NIPBL: variants seen among roughly 807,000 people sequenced by gnomAD.
The protein encoded by NIPBL is NIPBL cohesin loading factor, also known as nipped-B-like protein.
A neutral mutation model predicts 321.8 loss-of-function variants in NIPBL; 19 were observed. That is an observed-to-expected ratio of 0.06 (90% CI 0.04 to 0.09). The LOEUF (loss-of-function observed/expected upper bound fraction) is 0.09. Ranked by LOEUF, NIPBL falls within the 10% of genes least tolerant of loss-of-function variation. NIPBL has a pLI of 1.00. For synonymous variants in NIPBL, 1,106 were observed against 1,114.1 expected (o/e 0.99, Z 0.14); for missense variants, 2,210 against 3,327.0 (o/e 0.66, Z 8.26).
intron 5 of NIPBL, 86 bp downstream of exon 5, chr5:36,961,669 G>A (rs953563856): frequency 2.2e-6 from 2 of 913,410 alleles, no homozygotes; most frequent in Non-Finnish European, 1.8e-6. Flanking sequence ...TTAGGTAATG[G>A]TGGATTATTT....
Position 37,000,442 on chromosome 5 carries a change from C to G in NIPBL, c.3374C>G (p.Ser1125Cys). Residue 1125 changes from serine (S) to cysteine (C), a missense_variant, in exon 12 of 47, where the codon TCT becomes TGT. Ser to Cys is a moderately radical substitution (Grantham distance 112). Coordinates refer to ENST00000282516, the MANE Select transcript of NIPBL (RefSeq NM_133433.4). ...WEYEERDRRS[S>C]GDHRRSGHSH... The stretch of plus-strand genomic sequence containing the variant: ...TATGAAGAGCGTGACAGAAGAAGCT[C>G]TGGGGATCATAGGAGAAGTGGCCAC... 6.2e-7 allele frequency: 1 copy of G among 1,613,316 alleles called. No homozygotes were observed.
intron 1 of NIPBL, among the ~76,000 whole-genome samples, chr5:36,926,082 A>G (rs2149565393): frequency 6.6e-6 from 1 of 152,342 alleles, no homozygotes; most frequent in South Asian, 2.1e-4. Context: ...ATAAACATAT[A>G]TCCTGACTTA....
chr5:36,979,417 A>G (rs1743889117), intron 9 of NIPBL, among the ~76,000 whole-genome samples: 1 of 151,860 alleles, frequency 6.6e-6, no homozygotes, highest in Admixed American at 6.6e-5. Context: ...TAGACATGCT[A>G]CTGATTTTGG....
intron 8 of NIPBL, among the ~76,000 whole-genome samples, chr5:36,972,618 T>A (rs1274067021): frequency 6.6e-6 from 1 of 152,176 alleles, no homozygotes; most frequent in Non-Finnish European, 1.5e-5. Flanking sequence ...AAGTTCTAAT[T>A]CTTCATTTCC....
At chr5:36,885,338 C>A in intron 1 of NIPBL, 1 of 481,084 alleles carries the variant, frequency 2.1e-6, no homozygotes, top group Non-Finnish European at 4.1e-6. Context: ...CTCTGGTTCG[C>A]GGATCTCCGT....
intron 1 of NIPBL, among the ~76,000 whole-genome samples, chr5:36,896,179 A>G (rs1746721000): frequency 6.6e-6 from 1 of 152,222 alleles, no homozygotes; most frequent in Admixed American, 6.5e-5. Context: ...CCATTTGTTG[A>G]AAAGACTATT....
intron 32 of NIPBL, 46 bp downstream of exon 32, chr5:37,027,458 G>C (rs1750416278): frequency 1.5e-6 from 2 of 1,301,442 alleles, no homozygotes; most frequent in East Asian, 2.3e-5. Context: ...TAATAGGTTA[G>C]TTTTTTGTTG....
At chr5:36,972,075 T>G in intron 8 of NIPBL, 34 bp downstream of exon 8, 1 of 1,407,680 alleles carries the variant, frequency 7.1e-7, no homozygotes, top group South Asian at 1.2e-5. Flanking sequence ...TTCTGTATAT[T>G]TTATATTTGA....
intron 1 of NIPBL, among the ~76,000 whole-genome samples, chr5:36,878,703 C>A (rs1745280273): frequency 6.6e-6 from 1 of 152,128 alleles, no homozygotes; most frequent in African/African-American, 2.4e-5. Flanking sequence ...TTCACATTTC[C>A]TGCAAACGTA....
chr5:37,053,194 C>G (rs1207214768), intron 42 of NIPBL, among the ~76,000 whole-genome samples: 3 of 152,106 alleles, frequency 2.0e-5, no homozygotes, highest in Admixed American at 1.3e-4. Context: ...ATGTTGTAGC[C>G]TACCTAGGCT....
intron 32 of NIPBL, among the ~76,000 whole-genome samples, chr5:37,033,680 G>GTATA (rs1751330276): frequency 1.4e-5 from 1 of 73,898 alleles, no homozygotes; most frequent in Non-Finnish European, 2.2e-5. Context: ...GTGTGTATAT[G>GTATA]TACATACACA....
At chr5:37,019,138 T>C (rs1749336052) in intron 24 of NIPBL, among the ~76,000 whole-genome samples, 173 bp from the exon 25 acceptor site, 1 of 152,178 alleles carries the variant, frequency 6.6e-6, no homozygotes, top group African/African-American at 2.4e-5. Flanking sequence ...ACTTCAGCTA[T>C]CAATATATAA....
At chr5:36,910,646 A>G (rs1338476282) in intron 1 of NIPBL, among the ~76,000 whole-genome samples, 1 of 152,148 alleles carries the variant, frequency 6.6e-6, no homozygotes, top group African/African-American at 2.4e-5. Flanking sequence ...TGCTGTAGCA[A>G]TTTGTACCTC....
rs1284101914 is a variant in NIPBL, at chr5:36,985,659, A to G, written c.2479A>G (p.Arg827Gly). Reference protein sequence around the residue: ...DHDNKQKSDDRGESERHRGDQ... With the variant: ...DHDNKQKSDDGGESERHRGDQ... ...TGATAATAAACAAAAATCAGATGAC[A>G]GGGGTGAATCAGAGCGACATCGAGG... is the stretch of plus-strand genomic sequence containing the variant. The change falls in exon 10 of 47, where the codon AGG becomes GGG. Residue 827 changes from arginine to glycine, a missense_variant. Around this residue, in one of 14 missense-constraint regions of NIPBL, gnomAD observed 588 missense variants for 564.1 expected, o/e 1.04. Coordinates refer to ENST00000282516, the MANE Select transcript of NIPBL (RefSeq NM_133433.4). 11 of 1,613,856 alleles carry G rather than the reference A, an allele frequency of 6.8e-6. No individual in the cohort carries two copies. The highest frequency in any genetic ancestry group is 1.3e-5 in the African/African-American group (1 of 74,916).
Position 36,976,197 on chromosome 5 carries a change from A to G in NIPBL, c.1290A>G (p.Pro430=), listed in dbSNP as rs776187516. Residue 430 remains proline, a synonymous_variant, in exon 9 of 47, where the codon CCA becomes CCG. Transcript: ENST00000282516. Reference sequence around the variant, plus strand: ...AGCAAGAACAAACAGCATTCCTTCCAGCAAATCAAGTGCCTGTTTTACAAC... The same window carrying G: ...AGCAAGAACAAACAGCATTCCTTCCGGCAAATCAAGTGCCTGTTTTACAAC... ...LSQQEQTAFL[P]ANQVPVLQQN... 1.9e-6 allele frequency: 3 copies of G among 1,612,924 alleles called. No homozygotes were observed. Among genetic ancestry groups the G allele is most frequent in the South Asian group, 1.1e-5 (1 of 90,904 alleles).
In NIPBL at chr5:37,026,310, T is replaced by G; in HGVS notation, c.5791T>G (p.Leu1931Val). 1 of 1,606,820 alleles carries G rather than the reference T, an allele frequency of 6.2e-7. No individual in the cohort carries two copies. The highest frequency in any genetic ancestry group is 2.2e-5 in the East Asian group (1 of 44,800). Residue 1931 changes from leucine (L) to valine (V), a missense_variant, in exon 31 of 47, where the codon TTA becomes GTA. Transcript: ENST00000282516. ...NDKEAMTRKILNITDVVAACR... is the reference protein window; with the variant it reads ...NDKEAMTRKIVNITDVVAACR... ...CAAAGAAGCAATGACAAGGAAAATT[T>G]TAAACATTACCGATGTGGTAAGAAG...
At chr5:37,030,312 A>G (rs1229164872) in intron 32 of NIPBL, among the ~76,000 whole-genome samples, 1 of 152,060 alleles carries the variant, frequency 6.6e-6, no homozygotes, top group Non-Finnish European at 1.5e-5. Context: ...TTTACCAATG[A>G]TATTGTGACT....
chr5:37,033,711 T>C (rs1045858308), intron 32 of NIPBL, among the ~76,000 whole-genome samples: 1,806 of 53,650 alleles, frequency 0.034, 91 homozygotes, highest in African/African-American at 0.15. Context: ...CACACATATA[T>C]ATATATATAT....
At chr5:37,011,839 G>A (rs1004901521) in intron 21 of NIPBL, among the ~76,000 whole-genome samples, 6 of 151,580 alleles carry the variant, frequency 4.0e-5, no homozygotes, top group African/African-American at 9.7e-5. Context: ...TTTTACTTGA[G>A]TTAAAAACAC....
Sources: gnomAD v4.1 joint callset for allele counts (sites outside exome capture counted in the v4.1 genomes callset) on GRCh38, gnomAD v4.1.1 for gene constraint, gnomAD v4.1.1 regional missense constraint, MANE v1.5 for transcripts, NCBI Gene and HGNC (gene_info 2026-07-23, HGNC 2026-07-21) for gene names.